Variants in FRK observed in about 807,000 individuals in gnomAD.
FRK encodes tyrosine-protein kinase FRK.
In FRK, 51 loss-of-function variants were observed where a neutral mutation model predicts 56.4. The observed-to-expected ratio is 0.90, with a 90% CI of 0.72 to 1.14. The LOEUF is 1.14. FRK is among the 50% of genes most tolerant of loss of function. The pLI is 0.00. For missense variants in FRK, 570 were observed against 601.4 expected (o/e 0.95, Z 0.55); for synonymous variants, 245 against 217.9 (o/e 1.12, Z -1.10).
intron 1 of FRK, among the ~76,000 whole-genome samples, chr6:116,032,026 G>T (rs1776319288): frequency 6.6e-6 from 1 of 152,008 alleles, no homozygotes; most frequent in Non-Finnish European, 1.5e-5. Flanking sequence ...ACAAGAGGAA[G>T]CTGTAGAAAA....
At chr6:115,953,567 C>T (rs496311) in intron 5 of FRK, among the ~76,000 whole-genome samples, 95,788 of 151,972 alleles carry the variant, frequency 0.63, 30,432 homozygotes, top group East Asian at 0.84. Context: ...ATTACTCCTC[C>T]TGGCTACTAA....
intron 1 of FRK, among the ~76,000 whole-genome samples, chr6:116,036,251 C>T (rs1042472593): frequency 1.3e-5 from 2 of 152,120 alleles, no homozygotes; most frequent in Non-Finnish European, 2.9e-5. Context: ...GTTCCCTCCA[C>T]CTCCATCTTT....
intron 4 of FRK, among the ~76,000 whole-genome samples, chr6:115,958,762 A>G (rs1378505584): frequency 2.3e-4 from 9 of 39,024 alleles, no homozygotes; most frequent in African/African-American, 6.6e-4. Context: ...AAAGAAAGAA[A>G]GAAAGAGGGG....
chr6:115,936,091 G>A lies in FRK; in HGVS notation c.*6323C>T, dbSNP rs142730379. ...GCCAACAGACACCTCATACAGGAGA[G>A]CTCTGGCTGGCATCCAGTGGGTGCC... On this transcript the variant is annotated 3_prime_UTR_variant, in exon 8 of 8. Coordinates refer to ENST00000606080, the MANE Select transcript of FRK (RefSeq NM_002031.3). The A allele has an allele frequency of 2.9e-3, 463 of 160,522 alleles. 4 individuals carry two copies. The highest frequency in any genetic ancestry group is 0.011 in the African/African-American group (444 of 41,674). 9.9% of individuals were successfully genotyped at this position (160,522 alleles called of 1,614,324 possible).
the FRK span, among the ~76,000 whole-genome samples, chr6:116,081,432 G>A: frequency 2.0e-5 from 3 of 152,098 alleles, no homozygotes; most frequent in Admixed American, 6.5e-5. Context: ...CAAGGTGGGC[G>A]GATCACCTGA....
intron 4 of FRK, among the ~76,000 whole-genome samples, chr6:115,958,703 A>AGAAAGAAAGAAAGAAAGAAG (rs1562257394): frequency 2.1e-3 from 10 of 4,730 alleles, no homozygotes; most frequent in African/African-American, 6.4e-3. Flanking sequence ...AAAGAAAGAA[A>AGAAAGAAAGAAAGAAAGAAG]GAAGAAAGAA....
chr6:116,047,921 G>A (rs756387006), intron 1 of FRK, among the ~76,000 whole-genome samples: 5 of 152,226 alleles, frequency 3.3e-5, no homozygotes, highest in Admixed American at 1.3e-4. Flanking sequence ...ATGAGTGTGG[G>A]AGGAGACTAC....
chr6:116,001,043 T>C (rs2114687931), intron 2 of FRK, among the ~76,000 whole-genome samples: 1 of 152,092 alleles, frequency 6.6e-6, no homozygotes, highest in Admixed American at 6.5e-5. Context: ...ATTGAGACCA[T>C]CCAGGCTAAC....
chr6:115,946,014 G>A (rs983151819), intron 5 of FRK, among the ~76,000 whole-genome samples: 1 of 152,100 alleles, frequency 6.6e-6, no homozygotes, highest in African/African-American at 2.4e-5. Flanking sequence ...ACTTTGAAAT[G>A]GGGTGAGTCA....
At chr6:116,025,903 G>A (rs760462212) in intron 1 of FRK, among the ~76,000 whole-genome samples, 5 of 152,074 alleles carry the variant, frequency 3.3e-5, no homozygotes, top group Non-Finnish European at 5.9e-5. Flanking sequence ...ATGGCCTCTG[G>A]CCTCAGTTTC....
the FRK span, among the ~76,000 whole-genome samples, chr6:116,066,437 GTGTGTGTGTGTGTA>G: frequency 6.6e-6 from 1 of 151,882 alleles, no homozygotes; most frequent in South Asian, 2.1e-4. Context: ...ATATATATGT[GTGTGTGTGTGTGTA>G]TGTGTGTGTG....
At position 115,940,618 on chromosome 6, in the gene FRK, TA is replaced by T. The variant is rs1300044694; in HGVS notation, c.*1795del. ...TAATACCAAGAATCTACAAGGAACA[TA>T]AACAAATTTAAAAGAAAAAAACAAA... On this transcript the variant is annotated 3_prime_UTR_variant, in exon 8 of 8. Coordinates refer to ENST00000606080, the MANE Select transcript of FRK (RefSeq NM_002031.3). 1.3e-5 allele frequency: 2 copies of T among 151,908 alleles called. No individual in the cohort carries two copies. Among genetic ancestry groups the T allele is most frequent in the African/African-American group, 4.8e-5 (2 of 41,358 alleles). 9.4% of individuals were successfully genotyped at this position (151,908 alleles called of 1,614,324 possible). A position where few individuals can be genotyped will look rare whatever the true frequency, so the allele number is the denominator to read the frequency against.
At chr6:116,081,294 G>A in the FRK span, among the ~76,000 whole-genome samples, 4 of 152,092 alleles carry the variant, frequency 2.6e-5, no homozygotes, top group Non-Finnish European at 4.4e-5. Context: ...CAGTACCATC[G>A]TTTTGGAGAG....
intron 5 of FRK, among the ~76,000 whole-genome samples, chr6:115,944,844 A>T (rs146518028): frequency 6.6e-6 from 1 of 152,146 alleles, no homozygotes; most frequent in African/African-American, 2.4e-5. Context: ...CCTAGTACCC[A>T]TTAGTTATTT....
At chr6:115,951,177 T>G (rs80271736) in intron 5 of FRK, among the ~76,000 whole-genome samples, 1,562 of 151,754 alleles carry the variant, frequency 0.01, 25 homozygotes, top group African/African-American at 0.036. Context: ...TCTTAAAAAA[T>G]AAAAAAAATT....
intron 4 of FRK, among the ~76,000 whole-genome samples, chr6:115,966,800 C>T (rs1490907788): frequency 1.3e-5 from 2 of 152,076 alleles, no homozygotes; most frequent in African/African-American, 2.4e-5. Context: ...TGACTTTTTC[C>T]TTATTATAAT....
chr6:116,053,292 G>T (rs557597745), intron 1 of FRK, among the ~76,000 whole-genome samples: 1 of 152,166 alleles, frequency 6.6e-6, no homozygotes, highest in Non-Finnish European at 1.5e-5. Flanking sequence ...CTATTGTATT[G>T]GTAGTTAGAA....
chr6:116,025,113 G>A lies in FRK; in HGVS notation c.345-21115C>T, dbSNP rs540668642. Reference sequence around the variant, plus strand: ...AGAGAGGGCTTTAAAGCAAAGAATAGAAAGAATTGCAGGCCCCATGAAAGG... The same window carrying A: ...AGAGAGGGCTTTAAAGCAAAGAATAAAAAGAATTGCAGGCCCCATGAAAGG... On this transcript the variant is annotated intron_variant, in intron 1 of 7. Transcript: ENST00000606080. 4.6e-5 allele frequency among the ~76,000 whole-genome samples: 7 copies of A among 152,218 alleles called. No homozygotes were observed. In the East Asian group the frequency reaches 1.4e-3, roughly 29 times the overall value.
the FRK span, among the ~76,000 whole-genome samples, chr6:116,089,137 A>G: frequency 1.3e-5 from 2 of 152,198 alleles, no homozygotes; most frequent in Non-Finnish European, 2.9e-5. Context: ...CTCCAAAACT[A>G]TCTCACAAAT....
Sources: gnomAD v4.1 joint callset for allele counts (sites outside exome capture counted in the v4.1 genomes callset) on GRCh38, gnomAD v4.1.1 for gene constraint, MANE v1.5 for transcripts, NCBI Gene and HGNC (gene_info 2026-07-23, HGNC 2026-07-21) for gene names.